Variants in FAT3 observed in about 807,000 individuals in gnomAD.
FAT3 encodes FAT atypical cadherin 3.
Under a neutral mutation model 310.2 loss-of-function variants are expected in FAT3, and 95 were observed. The ratio of observed to expected loss-of-function variants is 0.31; its 90% CI spans 0.26 to 0.36. FAT3 has a LOEUF of 0.36. Among genes scored for constraint, FAT3 ranks in the 10% least tolerant of loss-of-function variants. FAT3 has a pLI of 1.00. For synonymous variants in FAT3, 2,314 were observed against 2,192.9 expected (o/e 1.06, Z -1.54); for missense variants, 5,408 against 5,715.6 (o/e 0.95, Z 1.74).
At chr11:92,577,474 T>G (rs1370175999) in intron 3 of FAT3, among the ~76,000 whole-genome samples, 1 of 152,134 alleles carries the variant, frequency 6.6e-6, no homozygotes, top group East Asian at 1.9e-4. Context: ...TGGGGTACAA[T>G]ATGATGTTTT....
chr11:92,789,906 G>T, intron 7 of FAT3, 37 bp from the exon 8 acceptor site: 1 of 1,603,938 alleles, frequency 6.2e-7, no homozygotes, highest in South Asian at 1.1e-5. Flanking sequence ...TGAGCAAATT[G>T]GCATTAGTCA....
At chr11:92,811,065 A>G (rs16918117) in intron 13 of FAT3, among the ~76,000 whole-genome samples, 6,308 of 152,306 alleles carry the variant, frequency 0.041, 404 homozygotes, top group East Asian at 0.31. Context: ...AGTGGCTACA[A>G]TTTGAATTAT....
rs150453320 is a variant in FAT3, at chr11:92,844,387, C to G, written c.11020C>G (p.Arg3674Gly). 6.2e-7 allele frequency: 1 copy of G among 1,613,900 alleles called. No homozygotes were observed. The change falls in exon 19 of 28, where the codon CGG becomes GGG. Residue 3674 changes from arginine to glycine, a missense_variant. Transcript: ENST00000525166. The stretch of plus-strand genomic sequence containing the variant: ...CATGCATGGGTTCCGGCGCACCCTG[C>G]GGAATGCAGTCCTCACCCAGAAGCA... ...LHMHGFRRTL[R>G]NAVLTQKQDS... is the part of the protein sequence containing the mutation.
chr11:92,785,876 A>G (rs1591729265), intron 7 of FAT3, among the ~76,000 whole-genome samples: 1 of 152,282 alleles, frequency 6.6e-6, no homozygotes, highest in African/African-American at 2.4e-5. Context: ...AGCAAGGAAA[A>G]CCATGAGAAA....
At chr11:92,470,043 A>G (rs1304627256) in intron 2 of FAT3, among the ~76,000 whole-genome samples, 1 of 152,162 alleles carries the variant, frequency 6.6e-6, no homozygotes, top group East Asian at 1.9e-4. Context: ...CACATATAGT[A>G]TTTATTTTCA....
At chr11:92,717,058 C>T (rs1944712728) in intron 4 of FAT3, among the ~76,000 whole-genome samples, 1 of 152,140 alleles carries the variant, frequency 6.6e-6, no homozygotes, top group Non-Finnish European at 1.5e-5. Context: ...AAGATAATAA[C>T]AACCACCTTA....
At chr11:92,392,607 C>T (rs1949775492) in intron 2 of FAT3, among the ~76,000 whole-genome samples, 1 of 152,170 alleles carries the variant, frequency 6.6e-6, no homozygotes, top group Non-Finnish European at 1.5e-5. Flanking sequence ...TAATGTAGCA[C>T]ATTGCACACT....
intron 1 of FAT3, among the ~76,000 whole-genome samples, chr11:92,251,292 C>T (rs1208062637): frequency 6.6e-6 from 1 of 152,088 alleles, no homozygotes. Flanking sequence ...TTGGTGGGCT[C>T]ACACAAGTGA....
intron 3 of FAT3, among the ~76,000 whole-genome samples, chr11:92,588,216 T>TC (rs1939249792): frequency 6.6e-6 from 1 of 151,958 alleles, no homozygotes; most frequent in Non-Finnish European, 1.5e-5. Context: ...GATTTTTTTT[T>TC]TAGACCAACA....
Position 92,391,508 on chromosome 11 carries a change from C to T in FAT3, c.3292+36104C>T, listed in dbSNP as rs1161962535. On this transcript the variant is annotated intron_variant, in intron 2 of 27. Transcript: ENST00000525166. ...CAACCTCTTAGTTCCTAGGTCTGTA[C>T]TTTACACAGGATCAGTGTGTGTAAT... Among the ~76,000 whole-genome samples the T allele has an allele frequency of 2.2e-4, 33 of 152,184 alleles. 1 individual carries two copies. The highest frequency in any genetic ancestry group is 2.2e-3 in the Admixed American group (33 of 15,270).
At chr11:92,443,418 A>C (rs1199710920) in intron 2 of FAT3, among the ~76,000 whole-genome samples, 2 of 152,138 alleles carry the variant, frequency 1.3e-5, no homozygotes, top group African/African-American at 4.8e-5. Flanking sequence ...CAATTTTTAA[A>C]ATCTGCTTTT....
intron 2 of FAT3, among the ~76,000 whole-genome samples, chr11:92,403,873 A>G (rs932599571): frequency 6.6e-6 from 1 of 152,112 alleles, no homozygotes; most frequent in South Asian, 2.1e-4. Context: ...CGTCTCTATG[A>G]AAAATACAAA....
intron 1 of FAT3, among the ~76,000 whole-genome samples, chr11:92,236,607 C>A (rs1864429949): frequency 6.6e-6 from 1 of 152,090 alleles, no homozygotes; most frequent in Non-Finnish European, 1.5e-5. Context: ...ACACCAAATC[C>A]ACAGGAGCAT....
chr11:92,842,310 C>T (rs979169585), intron 18 of FAT3, among the ~76,000 whole-genome samples: 2 of 152,216 alleles, frequency 1.3e-5, no homozygotes, highest in African/African-American at 2.4e-5. Flanking sequence ...CAGCACTCTC[C>T]AGTCCTTCTC....
At chr11:92,392,996 G>A (rs540065397) in intron 2 of FAT3, among the ~76,000 whole-genome samples, 11 of 152,120 alleles carry the variant, frequency 7.2e-5, no homozygotes, top group Non-Finnish European at 1.5e-4. Context: ...AGTGGGACGG[G>A]TATGGGTGTG....
At chr11:92,844,900 C>T (rs1020011315) in intron 19 of FAT3, among the ~76,000 whole-genome samples, 168 bp downstream of exon 19, 2 of 152,242 alleles carry the variant, frequency 1.3e-5, no homozygotes, top group African/African-American at 4.8e-5. Context: ...GAGGTACAGT[C>T]CCATGTAGCT....
At chr11:92,514,590 T>C (rs1312485090) in intron 2 of FAT3, among the ~76,000 whole-genome samples, 3 of 152,190 alleles carry the variant, frequency 2.0e-5, no homozygotes, top group Non-Finnish European at 4.4e-5. Context: ...GTTTATTTTT[T>C]AAATGAGGTG....
intron 2 of FAT3, among the ~76,000 whole-genome samples, chr11:92,486,594 A>G (rs1952413906): frequency 6.6e-6 from 1 of 152,032 alleles, no homozygotes; most frequent in South Asian, 2.1e-4. Flanking sequence ...TCTCTCTTAG[A>G]CCTGCCCAAA....
chr11:92,878,899 A>G (rs983978381), intron 22 of FAT3, among the ~76,000 whole-genome samples: 6 of 152,058 alleles, frequency 3.9e-5, no homozygotes, highest in African/African-American at 1.4e-4. Context: ...GAAATAATAA[A>G]AGAAATTTTC....
Sources: gnomAD v4.1 joint callset for allele counts (sites outside exome capture counted in the v4.1 genomes callset) on GRCh38, gnomAD v4.1.1 for gene constraint, MANE v1.5 for transcripts, NCBI Gene and HGNC (gene_info 2026-07-23, HGNC 2026-07-21) for gene names.